The following EXOG variants were observed in gnomAD, a reference collection of about 807,000 sequenced individuals.
EXOG encodes the protein exo/endonuclease G, also known as nuclease EXOG, mitochondrial.
A neutral mutation model predicts 25.8 loss-of-function variants in EXOG; 27 were observed. The ratio of observed to expected loss-of-function variants is 1.05; its 90% CI spans 0.77 to 1.45. EXOG has a LOEUF of 1.45. EXOG is among the 40% of genes most tolerant of loss of function. The pLI is 0.00. For missense variants in EXOG, 458 were observed against 450.5 expected (o/e 1.02, Z -0.15); for synonymous variants, 133 against 167.0 (o/e 0.80, Z 1.57).
intron 2 of EXOG, chr3:38,499,808 A>G (rs948891887): frequency 1.0e-5 from 4 of 383,920 alleles, no homozygotes; most frequent in African/African-American, 8.5e-5. Flanking sequence ...AGAAAAATGA[A>G]GAGCCAGCAG....
At chr3:38,499,577 G>A in intron 2 of EXOG, 1 of 440,386 alleles carries the variant, frequency 2.3e-6, no homozygotes, top group South Asian at 1.7e-5. Context: ...GAGTTATTCA[G>A]ATAGAATCTT....
At position 38,524,997 on chromosome 3, in the gene EXOG, C is replaced by T; in HGVS notation, c.*635C>T. The T allele has an allele frequency of 1.0e-6, 1 of 985,346 alleles. No homozygotes were observed. The highest frequency in any genetic ancestry group is 4.7e-5 in the South Asian group (1 of 21,284). 61.0% of individuals were successfully genotyped at this position (985,346 alleles called of 1,614,324 possible). A position where few individuals can be genotyped will look rare whatever the true frequency, so the allele number is the denominator to read the frequency against. On this transcript the variant is annotated 3_prime_UTR_variant, in exon 6 of 6. Transcript: ENST00000287675. Reference sequence around the variant, plus strand: ...GCTTTTAGAAATCCTCTGTGTAGTTCCTGTCCACATGCACTATATATTTGT... The same window carrying T: ...GCTTTTAGAAATCCTCTGTGTAGTTTCTGTCCACATGCACTATATATTTGT...
chr3:38,518,197 A>G (rs1403665296), intron 5 of EXOG, among the ~76,000 whole-genome samples: 2 of 152,306 alleles, frequency 1.3e-5, no homozygotes, highest in East Asian at 3.9e-4. Flanking sequence ...GCGATAGGAT[A>G]TATGCTGAGA....
In EXOG at chr3:38,524,527, C is replaced by A. The variant is rs1274779795; in HGVS notation, c.*165C>A. ...CTGGAGTGCAGTGGTGGAATCATAG[C>A]TCACTATAGCCTCAAACTTCTGGGC... On this transcript the variant is annotated 3_prime_UTR_variant, in exon 6 of 6. Coordinates refer to ENST00000287675, the MANE Select transcript of EXOG (RefSeq NM_005107.4). 1.7e-5 allele frequency: 22 copies of A among 1,326,392 alleles called. No homozygotes were observed. The highest frequency in any genetic ancestry group is 5.5e-4 in the Middle Eastern group (2 of 3,628). 82.2% of individuals were successfully genotyped at this position (1,326,392 alleles called of 1,614,324 possible).
intron 1 of EXOG, chr3:38,497,388 C>T (rs900262226): frequency 8.0e-7 from 1 of 1,257,092 alleles, no homozygotes; most frequent in Non-Finnish European, 1.0e-6. Context: ...AAAGTTAATG[C>T]AGTAGCTGCA....
intron 4 of EXOG, among the ~76,000 whole-genome samples, chr3:38,505,127 A>G (rs1308751017): frequency 2.6e-5 from 4 of 152,168 alleles, no homozygotes; most frequent in Admixed American, 2.6e-4. Flanking sequence ...TTTATTACCA[A>G]TTTTATAGTC....
Position 38,501,394 on chromosome 3 carries a change from C to G in EXOG, c.353C>G (p.Pro118Arg). The change falls in exon 3 of 6, where the codon CCC becomes CGC. Residue 118 changes from proline to arginine, a missense_variant. Transcript: ENST00000287675. ...AAGCATTGTAAATTTAAGCCTGATC[C>G]CAATATCCCTCCAACCTTCAGTGCC... ...DRKHCKFKPD[P>R]NIPPTFSAFN... The G allele has an allele frequency of 6.2e-7, 1 of 1,613,318 alleles. No homozygotes were observed. The highest frequency in any genetic ancestry group is 8.5e-7 in the Non-Finnish European group (1 of 1,179,316).
chr3:38,498,940 T>G (rs1204166629), intron 2 of EXOG: 1 of 456,746 alleles, frequency 2.2e-6, no homozygotes, highest in Non-Finnish European at 4.4e-6. Context: ...ATTCTTCAAG[T>G]TTACACTCCT....
intron 2 of EXOG, among the ~76,000 whole-genome samples, chr3:38,500,399 G>A (rs1467508065): frequency 1.3e-5 from 2 of 152,136 alleles, no homozygotes. Context: ...AAGATAACTA[G>A]CTGTAGAAGG....
intron 1 of EXOG, 46 bp from the exon 2 acceptor site, chr3:38,497,583 T>TG (rs780698790): frequency 5.3e-4 from 810 of 1,521,194 alleles, no homozygotes; most frequent in Non-Finnish European, 5.5e-4. Flanking sequence ...TGTGTGTGTG[T>TG]TTTTTTTGTC....
At chr3:38,505,607 T>C (rs2060179407) in intron 4 of EXOG, 2 of 152,188 alleles carry the variant, frequency 1.3e-5, no homozygotes, top group South Asian at 4.1e-4. Flanking sequence ...ATTTTACTTT[T>C]TAGATAAGAA....
rs561811367 is a variant in EXOG, at chr3:38,524,608, A to G, written c.*246A>G. ...GCAGCTGGGACTACAGGCACACACC[A>G]TCACCCTCAGCTACTAGTGGCTTTG... On this transcript the variant is annotated 3_prime_UTR_variant, in exon 6 of 6. Coordinates refer to ENST00000287675, the MANE Select transcript of EXOG (RefSeq NM_005107.4). The G allele has an allele frequency of 5.0e-5, 59 of 1,185,422 alleles. No individual in the cohort carries two copies. The Admixed American group carries it at 7.2e-4, about 14-fold the overall frequency. The allele number at this position is 1,185,422 out of a possible 1,614,324, so 73.4% of individuals were successfully genotyped here.
chr3:38,499,763 C>A, intron 2 of EXOG: 1 of 419,542 alleles, frequency 2.4e-6, no homozygotes, highest in South Asian at 1.7e-5. Context: ...TGCCACTATG[C>A]CCAACTAAAA....
chr3:38,499,843 T>C (rs947117444), intron 2 of EXOG: 5 of 360,642 alleles, frequency 1.4e-5, no homozygotes, highest in Admixed American at 7.8e-5. Context: ...GCTAGGTTAG[T>C]GTTGGTGGGA....
chr3:38,516,698 T>A (rs1241339331), intron 5 of EXOG, among the ~76,000 whole-genome samples: 1 of 152,222 alleles, frequency 6.6e-6, no homozygotes, highest in Non-Finnish European at 1.5e-5. Context: ...GTTTTTTTTT[T>A]CTGATTCAGT....
chr3:38,497,530 C>G (rs1405605772), intron 1 of EXOG, 99 bp from the exon 2 acceptor site: 1 of 1,433,428 alleles, frequency 7.0e-7, no homozygotes, highest in Non-Finnish European at 9.1e-7. Flanking sequence ...TCACACCGCT[C>G]TCCTTTTCCT....
chr3:38,502,679 A>G (rs765810318), intron 3 of EXOG, among the ~76,000 whole-genome samples: 2 of 152,184 alleles, frequency 1.3e-5, no homozygotes, highest in African/African-American at 2.4e-5. Context: ...CTAAAATACA[A>G]TGTATAGTCA....
intron 2 of EXOG, chr3:38,499,087 A>G: frequency 2.5e-6 from 1 of 399,386 alleles, no homozygotes; most frequent in East Asian, 7.3e-5. Context: ...CTTTTTTGGT[A>G]AGTTATTCTT....
chr3:38,521,766 C>G lies in EXOG; in HGVS notation c.646-2135C>G, dbSNP rs184812461. On this transcript the variant is annotated intron_variant, in intron 5 of 5. Coordinates refer to ENST00000287675, the MANE Select transcript of EXOG (RefSeq NM_005107.4). ...TTTGGGCTTTGTATTGGTACCTAAC[C>G]ACATTCTACCTGTAGTGAAAGCTGA... Among the ~76,000 whole-genome samples the G allele has an allele frequency of 1.9e-3, 285 of 152,290 alleles. 2 individuals carry two copies. The highest frequency in any genetic ancestry group is 5.4e-3 in the Admixed American group (83 of 15,298).
Sources: gnomAD v4.1 joint callset for allele counts (sites outside exome capture counted in the v4.1 genomes callset) on GRCh38, gnomAD v4.1.1 for gene constraint, MANE v1.5 for transcripts, NCBI Gene and HGNC (gene_info 2026-07-23, HGNC 2026-07-21) for gene names.